Variants in AGMO observed in about 807,000 individuals in gnomAD.
AGMO encodes the protein glyceryl-ether monooxygenase.
AGMO carries 75 observed loss-of-function variants against 60.2 expected under a neutral mutation model. The observed-to-expected ratio is 1.25, with a 90% CI of 1.03 to 1.51. The LOEUF is 1.51. Among genes scored for constraint, AGMO ranks in the 40% most tolerant of loss-of-function variants. The pLI is 0.00. For missense variants in AGMO, 763 were observed against 525.5 expected, an observed-to-expected ratio of 1.45 and a Z score of -4.42; for synonymous variants, 261 against 177.1, an observed-to-expected ratio of 1.47 and a Z score of -3.76.
At chr7:15,439,270 A>G (rs551299976) in intron 3 of AGMO, among the ~76,000 whole-genome samples, 3 of 152,182 alleles carry the variant, frequency 2.0e-5, no homozygotes, top group Non-Finnish European at 4.4e-5. Flanking sequence ...GGTGGTGCAC[A>G]CCTGTAGTCC....
intron 4 of AGMO, among the ~76,000 whole-genome samples, chr7:15,424,363 T>A (rs1781003146): frequency 6.6e-6 from 1 of 152,092 alleles, no homozygotes; most frequent in South Asian, 2.1e-4. Context: ...ATAAGAACAA[T>A]GACACATAAA....
At chr7:15,166,172 G>GTAGA in the AGMO span, among the ~76,000 whole-genome samples, 1 of 150,790 alleles carries the variant, frequency 6.6e-6, no homozygotes, top group Non-Finnish European at 1.5e-5. Flanking sequence ...AAGAGATGAA[G>GTAGA]TAGAGCCAGA....
rs1784801385 is a variant in AGMO, at chr7:15,547,058, G to A, written c.258-2135C>T. On this transcript the variant is annotated intron_variant, in intron 2 of 12. Transcript: ENST00000342526. ...CAATATAACAATTTCTCTAAAATAG[G>A]AATTCTTAACCTTAACACTATTACA... 2.0e-5 allele frequency among the ~76,000 whole-genome samples: 3 copies of A among 151,942 alleles called. No individual in the cohort carries two copies. The South Asian group carries it at 6.2e-4, about 32-fold the overall frequency.
chr7:15,145,238 T>A, the AGMO span, among the ~76,000 whole-genome samples: 1 of 152,202 alleles, frequency 6.6e-6, no homozygotes, highest in South Asian at 2.1e-4. Context: ...GTCTTACCAT[T>A]TTCAACTTGC....
chr7:15,464,985 G>A (rs1253234594), intron 3 of AGMO, among the ~76,000 whole-genome samples: 1 of 152,134 alleles, frequency 6.6e-6, no homozygotes, highest in Admixed American at 6.6e-5. Flanking sequence ...ATGACTGCTC[G>A]ACACTTGCTA....
intron 3 of AGMO, among the ~76,000 whole-genome samples, chr7:15,502,212 T>C (rs1287080976): frequency 3.9e-5 from 6 of 152,026 alleles, no homozygotes; most frequent in African/African-American, 1.4e-4. Flanking sequence ...TCTCCAAATT[T>C]CTCTGATTCT....
At chr7:15,231,776 A>G (rs891564794) in intron 12 of AGMO, among the ~76,000 whole-genome samples, 5 of 152,150 alleles carry the variant, frequency 3.3e-5, no homozygotes, top group Non-Finnish European at 4.4e-5. Context: ...GATTTTCAAC[A>G]CCTATTTCTT....
rs546260552 is a variant in AGMO, at chr7:15,282,578, T to C, written c.1264-81219A>G. On this transcript the variant is annotated intron_variant, in intron 12 of 12. Transcript: ENST00000342526. ...GCAATGTCTCCAAGAAATATGAAATTATTTAAAATGGCCAGACCTAAAAAT... is the reference window on the plus strand; with the variant it reads ...GCAATGTCTCCAAGAAATATGAAATCATTTAAAATGGCCAGACCTAAAAAT... 2.6e-5 allele frequency among the ~76,000 whole-genome samples: 4 copies of C among 152,278 alleles called. No individual in the cohort carries two copies. In the East Asian group the frequency reaches 7.7e-4, roughly 29 times the overall value.
At chr7:15,454,572 G>T (rs1781948558) in intron 3 of AGMO, among the ~76,000 whole-genome samples, 2 of 151,986 alleles carry the variant, frequency 1.3e-5, no homozygotes, top group South Asian at 4.1e-4. Flanking sequence ...ATCTTAGTGT[G>T]TAGCCTTCCA....
At chr7:15,391,952 T>C (rs1303955096) in intron 6 of AGMO, among the ~76,000 whole-genome samples, 1 of 152,206 alleles carries the variant, frequency 6.6e-6, no homozygotes, top group Non-Finnish European at 1.5e-5. Context: ...AGTGCCGACG[T>C]TGGGAAACCC....
chr7:15,180,825 A>G, the AGMO span, among the ~76,000 whole-genome samples: 3 of 152,178 alleles, frequency 2.0e-5, no homozygotes, highest in Non-Finnish European at 2.9e-5. Flanking sequence ...GGTAATTTAT[A>G]AAGAAAAGTT....
intron 12 of AGMO, among the ~76,000 whole-genome samples, chr7:15,313,722 C>T (rs987654533): frequency 2.0e-5 from 3 of 152,140 alleles, no homozygotes; most frequent in Admixed American, 2.0e-4. Flanking sequence ...ACGGATCATA[C>T]CAAACCATAT....
chr7:15,528,138 A>AGTG, intron 3 of AGMO, among the ~76,000 whole-genome samples: 1 of 152,250 alleles, frequency 6.6e-6, no homozygotes, highest in South Asian at 2.1e-4. Context: ...TGCCATAGAT[A>AGTG]GTGATTCATC....
At chr7:15,418,834 A>T (rs1348656568) in intron 4 of AGMO, among the ~76,000 whole-genome samples, 181 bp from the exon 5 acceptor site, 1 of 151,910 alleles carries the variant, frequency 6.6e-6, no homozygotes, top group African/African-American at 2.4e-5. Flanking sequence ...AGTTACAGAC[A>T]TGTTGGAGCT....
At chr7:15,539,427 T>C (rs1450332243) in intron 3 of AGMO, among the ~76,000 whole-genome samples, 1 of 152,106 alleles carries the variant, frequency 6.6e-6, no homozygotes, top group East Asian at 1.9e-4. Context: ...TTGTTTAGGA[T>C]AATGTCCTCC....
chr7:15,441,706 T>C (rs758239938), intron 3 of AGMO, among the ~76,000 whole-genome samples: 7 of 152,146 alleles, frequency 4.6e-5, no homozygotes, highest in Admixed American at 6.5e-5. Context: ...TACCATATTA[T>C]ATTTGGAACA....
chr7:15,262,251 C>G (rs1461247497), intron 12 of AGMO, among the ~76,000 whole-genome samples: 1 of 152,014 alleles, frequency 6.6e-6, no homozygotes, highest in Non-Finnish European at 1.5e-5. Context: ...ATCCAAAAAG[C>G]TCCTAGAACT....
rs146144087 is a variant in AGMO, at chr7:15,499,932, C to CACACACACACATAT, written c.409+44839_409+44840insATATGTGTGTGTGT. ...GCACACACACACACACACACACACA[C>CACACACACACATAT]ATATATATATATAATATATATATTT... is the stretch of plus-strand genomic sequence containing the variant. On this transcript the variant is annotated intron_variant, in intron 3 of 12. Coordinates refer to ENST00000342526, the MANE Select transcript of AGMO (RefSeq NM_001004320.2). 4.3e-5 allele frequency among the ~76,000 whole-genome samples: 6 copies of CACACACACACATAT among 138,986 alleles called. No individual in the cohort carries two copies. The East Asian group carries it at 1.1e-3, about 25-fold the overall frequency. The allele number at this position is 138,986 out of a possible 152,430, so 91.2% of individuals were successfully genotyped here. A position where few individuals can be genotyped will look rare whatever the true frequency, so the allele number is the denominator to read the frequency against.
rs143831374 is a variant in AGMO at position 15,466,081 on chromosome 7, T to C, written c.410-34973A>G. ...AAAATCTTGGTCCTTAGGGATCTCATGTTTTATTTTTCTGAAGCCTACTCT... is the reference window on the plus strand; with the variant it reads ...AAAATCTTGGTCCTTAGGGATCTCACGTTTTATTTTTCTGAAGCCTACTCT... On this transcript the variant is annotated intron_variant, in intron 3 of 12. Coordinates refer to ENST00000342526, the MANE Select transcript of AGMO (RefSeq NM_001004320.2). 3.9e-4 allele frequency among the ~76,000 whole-genome samples: 59 copies of C among 152,254 alleles called. No homozygotes were observed. In the East Asian group the frequency reaches 8.1e-3, roughly 21 times the overall value.
Sources: gnomAD v4.1 joint callset for allele counts (sites outside exome capture counted in the v4.1 genomes callset) on GRCh38, gnomAD v4.1.1 for gene constraint, MANE v1.5 for transcripts, NCBI Gene and HGNC (gene_info 2026-07-23, HGNC 2026-07-21) for gene names.